Variants in MACROD2 observed in about 807,000 individuals in gnomAD.
MACROD2 encodes the protein ADP-ribose glycohydrolase MACROD2.
MACROD2 carries 36 observed loss-of-function variants against 70.4 expected under a neutral mutation model. That is an observed-to-expected ratio of 0.51 (90% CI 0.39 to 0.68). MACROD2 has a LOEUF of 0.68. MACROD2 is among the 30% of genes least tolerant of loss of function. The pLI is 0.00. For synonymous variants in MACROD2, 172 were observed against 178.8 expected, an observed-to-expected ratio of 0.96 and a Z score of 0.30; for missense variants, 496 against 538.4, an observed-to-expected ratio of 0.92 and a Z score of 0.78.
intron 5 of MACROD2, among the ~76,000 whole-genome samples, chr20:15,020,860 G>C (rs918078003): frequency 2.0e-5 from 3 of 151,664 alleles, no homozygotes; most frequent in Non-Finnish European, 4.4e-5. Context: ...GACGGAAGTG[G>C]TGTAATGTGG....
At chr20:15,003,507 T>C (rs1600934495) in intron 5 of MACROD2, among the ~76,000 whole-genome samples, 1 of 152,214 alleles carries the variant, frequency 6.6e-6, no homozygotes, top group African/African-American at 2.4e-5. Context: ...ATTAGTATGG[T>C]AGAATTTCAA....
intron 3 of MACROD2, among the ~76,000 whole-genome samples, chr20:14,184,756 G>A (rs2081331664): frequency 6.6e-6 from 1 of 152,012 alleles, no homozygotes; most frequent in South Asian, 2.1e-4. Flanking sequence ...CTAGTTAGCT[G>A]TACTCCTAGG....
At chr20:15,508,192 C>T (rs1257771697) in intron 8 of MACROD2, among the ~76,000 whole-genome samples, 1 of 152,114 alleles carries the variant, frequency 6.6e-6, no homozygotes, top group East Asian at 1.9e-4. Context: ...CCTCCTCAGC[C>T]AGCCCTCCTG....
chr20:15,115,190 C>T (rs1298182345), intron 5 of MACROD2, among the ~76,000 whole-genome samples: 1 of 152,076 alleles, frequency 6.6e-6, no homozygotes, highest in African/African-American at 2.4e-5. Flanking sequence ...TCACCTCATA[C>T]ATTTTTTTGT....
At chr20:15,598,441 G>A (rs372446732) in intron 8 of MACROD2, among the ~76,000 whole-genome samples, 112 of 152,266 alleles carry the variant, frequency 7.4e-4, no homozygotes, top group African/African-American at 2.2e-3. Flanking sequence ...TCTGTTGCAT[G>A]TAGGTGTAAT....
At chr20:14,422,752 A>G (rs576383475) in intron 3 of MACROD2, among the ~76,000 whole-genome samples, 1 of 152,288 alleles carries the variant, frequency 6.6e-6, no homozygotes, top group African/African-American at 2.4e-5. Context: ...ATTGTTATTT[A>G]TGCATTTGTC....
At chr20:14,390,299 A>G (rs1390249715) in intron 3 of MACROD2, among the ~76,000 whole-genome samples, 1 of 152,226 alleles carries the variant, frequency 6.6e-6, no homozygotes, top group African/African-American at 2.4e-5. Flanking sequence ...AAGAATCAAT[A>G]TAAAAAAGAC....
At chr20:14,967,305 G>A (rs939490364) in intron 5 of MACROD2, among the ~76,000 whole-genome samples, 2 of 152,070 alleles carry the variant, frequency 1.3e-5, no homozygotes, top group Non-Finnish European at 2.9e-5. Flanking sequence ...CAATTCACCT[G>A]CCTCAGCCTC....
chr20:14,376,293 C>G (rs920475217), intron 3 of MACROD2, among the ~76,000 whole-genome samples: 3 of 152,060 alleles, frequency 2.0e-5, no homozygotes, highest in Non-Finnish European at 4.4e-5. Context: ...TACACTTTTG[C>G]TAGTGTCGTG....
intron 6 of MACROD2, among the ~76,000 whole-genome samples, chr20:15,277,247 A>G (rs2077401913): frequency 6.6e-6 from 1 of 152,190 alleles, no homozygotes; most frequent in Admixed American, 6.5e-5. Context: ...GATTCATTAT[A>G]AAAAGCAAGA....
intron 3 of MACROD2, among the ~76,000 whole-genome samples, chr20:14,347,067 A>G (rs1250245667): frequency 6.6e-6 from 1 of 152,214 alleles, no homozygotes; most frequent in Non-Finnish European, 1.5e-5. Context: ...CAATTTAACC[A>G]ATGTGCTCTA....
At position 15,412,545 on chromosome 20, in the gene MACROD2, A is replaced by G. The variant is rs144742338; in HGVS notation, c.541-18860A>G. On this transcript the variant is annotated intron_variant, in intron 6 of 17. Coordinates refer to ENST00000684519, the MANE Select transcript of MACROD2 (RefSeq NM_001351661.2). ...TTTGATTAATTTATCCAGATAAACC[A>G]TCAATTTCCCAAAGTTGGAGACTCC... Among the ~76,000 whole-genome samples the G allele has an allele frequency of 3.5e-3, 538 of 152,344 alleles. 14 individuals carry two copies. The highest frequency in any genetic ancestry group is 0.03 in the East Asian group (157 of 5,190).
intron 8 of MACROD2, among the ~76,000 whole-genome samples, chr20:15,799,689 C>T (rs539182121): frequency 7.2e-5 from 11 of 152,112 alleles, no homozygotes; most frequent in African/African-American, 1.7e-4. Flanking sequence ...TCCATTCATT[C>T]GTTAATGGAC....
chr20:15,410,846 A>G (rs970375615), intron 6 of MACROD2, among the ~76,000 whole-genome samples: 1 of 152,144 alleles, frequency 6.6e-6, no homozygotes, highest in African/African-American at 2.4e-5. Flanking sequence ...CACCCATTCA[A>G]CATATGATCA....
chr20:14,833,098 A>G (rs2072990181), intron 5 of MACROD2, among the ~76,000 whole-genome samples: 1 of 152,194 alleles, frequency 6.6e-6, no homozygotes. Context: ...TTACATTTTT[A>G]GCATTAGTTA....
intron 4 of MACROD2, among the ~76,000 whole-genome samples, chr20:14,556,249 G>T (rs2123277963): frequency 6.6e-6 from 1 of 152,042 alleles, no homozygotes; most frequent in East Asian, 1.9e-4. Flanking sequence ...ATTCCTTCCG[G>T]GTTCTCTCCC....
chr20:14,187,249 GAGAA>G (rs1457590906), intron 3 of MACROD2, among the ~76,000 whole-genome samples: 4 of 151,784 alleles, frequency 2.6e-5, no homozygotes, highest in Non-Finnish European at 4.4e-5. Flanking sequence ...AGAAAATTTT[GAGAA>G]AGAGACAGAT....
intron 15 of MACROD2, among the ~76,000 whole-genome samples, chr20:16,021,812 C>CT (rs1274884493): frequency 6.6e-6 from 1 of 152,196 alleles, no homozygotes; most frequent in African/African-American, 2.4e-5. Context: ...GTTCTCCACT[C>CT]TGACTCCAGG....
intron 5 of MACROD2, among the ~76,000 whole-genome samples, chr20:15,100,958 G>A (rs923576193): frequency 2.6e-5 from 4 of 152,066 alleles, no homozygotes; most frequent in Non-Finnish European, 5.9e-5. Context: ...ATTCTCTGCA[G>A]GTGAACAGGA....
Sources: allele counts gnomAD v4.1 joint callset (sites outside exome capture counted in the v4.1 genomes callset), GRCh38; gene constraint gnomAD v4.1.1; transcripts MANE v1.5; gene names NCBI Gene and HGNC (gene_info 2026-07-23, HGNC 2026-07-21).